XXYLT1: variants seen among roughly 807,000 people sequenced by gnomAD.
The protein encoded by XXYLT1 is xyloside xylosyltransferase 1.
A neutral mutation model predicts 28.9 loss-of-function variants in XXYLT1; 20 were observed. The ratio of observed to expected loss-of-function variants is 0.69; its 90% CI spans 0.49 to 1.00. The LOEUF (loss-of-function observed/expected upper bound fraction) is 1.00, where lower values mean the gene tolerates loss of function less well. XXYLT1 is among the 50% of genes least tolerant of loss of function. The probability of loss-of-function intolerance (pLI) is 0.00; values close to 1 mark genes in which losing one functional copy is unlikely to be tolerated. For missense variants in XXYLT1, 542 were observed against 560.1 expected (o/e 0.97, Z 0.33); for synonymous variants, 257 against 253.8 (o/e 1.01, Z -0.12).
intron 1 of XXYLT1, among the ~76,000 whole-genome samples, chr3:195,254,590 G>A (rs376063629): frequency 1.3e-5 from 2 of 152,200 alleles, no homozygotes; most frequent in Non-Finnish European, 1.5e-5. Context: ...CAACAGGCTC[G>A]CAAGGCCCAG....
intron 2 of XXYLT1, among the ~76,000 whole-genome samples, chr3:195,161,208 G>A (rs1720854349): frequency 6.6e-6 from 1 of 152,180 alleles, no homozygotes; most frequent in African/African-American, 2.4e-5. Flanking sequence ...TTCAGATGAG[G>A]AACCTGATGC....
intron 3 of XXYLT1, among the ~76,000 whole-genome samples, chr3:195,099,986 CCT>C (rs1167718270): frequency 6.6e-6 from 1 of 151,988 alleles, no homozygotes; most frequent in South Asian, 2.1e-4. Flanking sequence ...AAAAATTCTC[CCT>C]GTCTTACTTA....
At chr3:195,118,521 G>A (rs560896654) in intron 3 of XXYLT1, among the ~76,000 whole-genome samples, 30 of 152,382 alleles carry the variant, frequency 2.0e-4, no homozygotes, top group African/African-American at 1.4e-4. Flanking sequence ...CAGAAGGAAC[G>A]GAAGATGAGG....
At chr3:195,263,867 TA>T in intron 1 of XXYLT1, among the ~76,000 whole-genome samples, 1 of 152,304 alleles carries the variant, frequency 6.6e-6, no homozygotes. Context: ...CAACTATAAA[TA>T]TTTATTGAGA....
At chr3:195,187,086 G>A (rs1300185298) in intron 2 of XXYLT1, among the ~76,000 whole-genome samples, 1 of 150,932 alleles carries the variant, frequency 6.6e-6, no homozygotes, top group Non-Finnish European at 1.5e-5. Flanking sequence ...ATAGAGACGG[G>A]AATTAGCCAG....
At chr3:195,193,831 T>A (rs1722518410) in intron 2 of XXYLT1, among the ~76,000 whole-genome samples, 1 of 152,188 alleles carries the variant, frequency 6.6e-6, no homozygotes, top group South Asian at 2.1e-4. Context: ...CAATTAGATA[T>A]ACAAATGCAA....
chr3:195,147,704 G>C lies in XXYLT1; in HGVS notation c.785+8745C>G, dbSNP rs968427426. Among the ~76,000 whole-genome samples the C allele has an allele frequency of 2.6e-5, 4 of 152,190 alleles. No homozygotes were observed. The South Asian group carries it at 8.3e-4, about 31-fold the overall frequency. Reference sequence around the variant, plus strand: ...CTTAGCAGCTGGCCAGCACCGCGGAGGAAACGCCCTCTGACTACACATCTG... The same window carrying C: ...CTTAGCAGCTGGCCAGCACCGCGGACGAAACGCCCTCTGACTACACATCTG... On this transcript the variant is annotated intron_variant, in intron 3 of 3. Transcript: ENST00000310380.
intron 3 of XXYLT1, among the ~76,000 whole-genome samples, chr3:195,099,691 C>T (rs781634192): frequency 1.4e-4 from 22 of 152,090 alleles, no homozygotes; most frequent in Non-Finnish European, 2.9e-4. Flanking sequence ...ATTAGCCGGG[C>T]GTGGTGGTGG....
chr3:195,111,119 G>A (rs1000374180), intron 3 of XXYLT1, among the ~76,000 whole-genome samples: 1 of 152,056 alleles, frequency 6.6e-6, no homozygotes, highest in Non-Finnish European at 1.5e-5. Flanking sequence ...GTTCCAGGCC[G>A]CTCCCCTAGC....
intron 2 of XXYLT1, among the ~76,000 whole-genome samples, chr3:195,206,898 T>G (rs1410014003): frequency 3.3e-5 from 5 of 152,082 alleles, no homozygotes; most frequent in African/African-American, 1.2e-4. Context: ...CATGAGTTGG[T>G]AACTACTGAA....
intron 3 of XXYLT1, among the ~76,000 whole-genome samples, chr3:195,151,306 G>A (rs1720232262): frequency 6.6e-6 from 1 of 152,162 alleles, no homozygotes; most frequent in Non-Finnish European, 1.5e-5. Flanking sequence ...TACTTTGGGA[G>A]GCTGAGGCGG....
rs1221929418 is a variant in XXYLT1 at position 195,173,914 on chromosome 3, C to CTGT, written c.653-17336_653-17334dup. Among the ~76,000 whole-genome samples, 6 of 152,198 alleles carry CTGT rather than the reference C, an allele frequency of 3.9e-5. No homozygotes were observed. Among genetic ancestry groups the CTGT allele is most frequent in the African/African-American group, 1.2e-4 (5 of 41,448 alleles). ...CTTCCCCAGGTCACGAGACTAAGGG[C>CTGT]TGTGTCAGTAGGCACTGGTGAGAAC... On this transcript the variant is annotated intron_variant, in intron 2 of 3. Coordinates refer to ENST00000310380, the MANE Select transcript of XXYLT1 (RefSeq NM_152531.5). The surrounding 1 kb of genome is among the most constrained non-coding windows in gnomAD (Gnocchi z 4.3).
intron 2 of XXYLT1, among the ~76,000 whole-genome samples, chr3:195,223,298 G>A (rs1178655120): frequency 2.0e-5 from 3 of 152,094 alleles, no homozygotes; most frequent in Non-Finnish European, 4.4e-5. Context: ...CTACAGAAGG[G>A]AAGGCGGGAG....
intron 3 of XXYLT1, among the ~76,000 whole-genome samples, chr3:195,098,335 C>T (rs914191009): frequency 9.9e-5 from 15 of 152,248 alleles, no homozygotes; most frequent in Non-Finnish European, 1.8e-4. Context: ...GGGTGGATCA[C>T]GAGGTCAGAA....
chr3:195,190,132 C>CA lies in XXYLT1; in HGVS notation c.653-33552dup, dbSNP rs763683271. 3.5e-4 allele frequency among the ~76,000 whole-genome samples: 50 copies of CA among 142,898 alleles called. 2 individuals are homozygous for CA. The highest frequency in any genetic ancestry group is 1.7e-3 in the South Asian group (8 of 4,696). The allele number at this position is 142,898 out of a possible 152,430, so 93.7% of individuals were successfully genotyped here. ...CTAGCAAAACAATTCTTCAAAAATG[C>CA]AAAAAAAAAGAACATTTCTGTATAA... On this transcript the variant is annotated intron_variant, in intron 2 of 3. Coordinates refer to ENST00000310380, the MANE Select transcript of XXYLT1 (RefSeq NM_152531.5).
intron 2 of XXYLT1, among the ~76,000 whole-genome samples, chr3:195,206,021 ATTTTT>A (rs777561871): frequency 1.6e-5 from 2 of 125,422 alleles, no homozygotes; most frequent in Admixed American, 8.1e-5. Context: ...TTAAAGTTTA[ATTTTT>A]TTTTTTTTTT....
intron 3 of XXYLT1, among the ~76,000 whole-genome samples, chr3:195,149,094 A>C (rs755364807): frequency 1.7e-3 from 257 of 152,358 alleles, no homozygotes; most frequent in Non-Finnish European, 2.2e-3. Context: ...GAAAAATCAT[A>C]CCAAGAGACC....
At chr3:195,144,747 T>C (rs4677814) in intron 3 of XXYLT1, among the ~76,000 whole-genome samples, 12,788 of 152,212 alleles carry the variant, frequency 0.084, 789 homozygotes, top group East Asian at 0.27. Context: ...ACTCCTTTTA[T>C]GCAGAAGTGT....
chr3:195,081,158 G>T (rs1417201404), intron 3 of XXYLT1, among the ~76,000 whole-genome samples: 1 of 151,980 alleles, frequency 6.6e-6, no homozygotes, highest in East Asian at 1.9e-4. Flanking sequence ...GAGCTCGTCA[G>T]CCACTGCATT....
Sources: allele counts gnomAD v4.1 joint callset (sites outside exome capture counted in the v4.1 genomes callset), GRCh38; gene constraint gnomAD v4.1.1; non-coding constraint Gnocchi (gnomAD v3.1); transcripts MANE v1.5; gene names NCBI Gene and HGNC (gene_info 2026-07-23, HGNC 2026-07-21).